MAP2: variants seen among roughly 807,000 people sequenced by gnomAD.
MAP2 encodes the protein microtubule associated protein 2, also known as microtubule-associated protein 2.
In MAP2, 14 loss-of-function variants were observed where a neutral mutation model predicts 137.6. That is an observed-to-expected ratio of 0.10 (90% CI 0.07 to 0.16). MAP2 has a LOEUF of 0.16. MAP2 is among the 10% of genes least tolerant of loss of function. The pLI, the probability that MAP2 is intolerant of heterozygous loss-of-function variation, is 1.00. For missense variants in MAP2, 2,088 were observed against 2,191.5 expected (o/e 0.95, Z 0.94); for synonymous variants, 786 against 782.3 (o/e 1.00, Z -0.08).
intron 1 of MAP2, among the ~76,000 whole-genome samples, chr2:209,429,144 A>G (rs545174508): frequency 3.9e-4 from 59 of 151,736 alleles, no homozygotes; most frequent in Non-Finnish European, 6.0e-4. Flanking sequence ...TAGTAGAGAC[A>G]GGGTTTCACC....
At chr2:209,555,038 G>A (rs1295507608) in intron 2 of MAP2, among the ~76,000 whole-genome samples, 2 of 151,162 alleles carry the variant, frequency 1.3e-5, no homozygotes, top group Non-Finnish European at 2.9e-5. Context: ...CATCGAATGG[G>A]CAAATATAAT....
chr2:209,535,346 G>A (rs1029004038), intron 2 of MAP2, among the ~76,000 whole-genome samples: 4 of 152,028 alleles, frequency 2.6e-5, no homozygotes, highest in East Asian at 1.9e-4. Context: ...CAACTTCACC[G>A]CATAACCATA....
Position 209,693,698 on chromosome 2 carries a change from T to A in MAP2, c.1528T>A (p.Ser510Thr). The part of the protein sequence containing the change: ...PVSLEQAVTD[S>T]AMTSKTLEKA... ...AAGTTTGGAGCAAGCAGTTACAGAT[T>A]CAGCCATGACCTCTAAAACACTGGA... The change falls in exon 8 of 16, where the codon TCA becomes ACA. Residue 510 changes from serine (S) to threonine (T), a missense_variant. This residue lies in a region of MAP2 where 859 missense variants were observed against 794.5 expected (regional missense o/e 1.08). Transcript: ENST00000682079. 1 of 1,613,566 alleles carries A rather than the reference T, an allele frequency of 6.2e-7. No homozygotes were observed. The highest frequency in any genetic ancestry group is 1.7e-4 in the Middle Eastern group (1 of 6,056).
At chr2:209,464,483 T>C (rs1186109551) in intron 1 of MAP2, among the ~76,000 whole-genome samples, 1 of 152,082 alleles carries the variant, frequency 6.6e-6, no homozygotes, top group Non-Finnish European at 1.5e-5. Context: ...TATTAGGCAA[T>C]GTTTGCTGTT....
chr2:209,732,623 G>A lies in MAP2; in HGVS notation c.*2226G>A, dbSNP rs939324798. On this transcript the variant is annotated 3_prime_UTR_variant, in exon 16 of 16. Transcript: ENST00000682079. ...CTTAAATAGTGATTAAATTTCTCTA[G>A]AAAGAAGTTAACAGCTCATTAGAAA... 1 of 152,450 alleles carries A rather than the reference G, an allele frequency of 6.6e-6. No individual in the cohort carries two copies. The highest frequency in any genetic ancestry group is 1.5e-5 in the Non-Finnish European group (1 of 68,010). The allele number at this position is 152,450 out of a possible 1,614,324, so 9.4% of individuals were successfully genotyped here. A position where few individuals can be genotyped will look rare whatever the true frequency, so the allele number is the denominator to read the frequency against.
At position 209,692,898 on chromosome 2, in the gene MAP2, C is replaced by A. The variant is rs756870042; in HGVS notation, c.728C>A (p.Pro243Gln). 1.2e-6 allele frequency: 2 copies of A among 1,613,966 alleles called. No individual in the cohort carries two copies. Among genetic ancestry groups the A allele is most frequent in the East Asian group, 2.2e-5 (1 of 44,880 alleles). The part of the protein sequence containing the change: ...SLEDMKQKTE[P>Q]SLVVPGIDLP... Reference sequence around the variant, plus strand: ...GAAGACATGAAACAGAAGACAGAACCAAGCCTTGTAGTACCTGGCATTGAC... The same window carrying A: ...GAAGACATGAAACAGAAGACAGAACAAAGCCTTGTAGTACCTGGCATTGAC... Residue 243 changes from proline (P) to glutamine (Q), a missense_variant, in exon 8 of 16, where the codon CCA becomes CAA. Coordinates refer to ENST00000682079, the MANE Select transcript of MAP2 (RefSeq NM_001375505.1).
At chr2:209,443,194 T>C (rs1698238935) in intron 1 of MAP2, among the ~76,000 whole-genome samples, 1 of 150,738 alleles carries the variant, frequency 6.6e-6, no homozygotes, top group Non-Finnish European at 1.5e-5. Context: ...ACACATTACT[T>C]GCTCTGTTCT....
At position 209,695,822 on chromosome 2, in the gene MAP2, G is replaced by T. The variant is rs1402385905; in HGVS notation, c.3652G>T (p.Ala1218Ser). 1.2e-6 allele frequency: 2 copies of T among 1,613,980 alleles called. No individual in the cohort carries two copies. Among genetic ancestry groups the T allele is most frequent in the Non-Finnish European group, 1.7e-6 (2 of 1,180,004 alleles). ...TATATCCATCACGCCTTCTGATGTT[G>T]CAGAGCCATTGCATGAAACGATCGT... ...PDISITPSDV[A>S]EPLHETIVSE... The change falls in exon 8 of 16, where the codon GCA becomes TCA. Residue 1218 changes from alanine to serine, a missense_variant. Physicochemically the swap from Ala to Ser is moderately conservative, Grantham distance 99. Transcript: ENST00000682079.
At chr2:209,503,110 C>A (rs904605385) in intron 1 of MAP2, among the ~76,000 whole-genome samples, 3 of 151,460 alleles carry the variant, frequency 2.0e-5, no homozygotes, top group African/African-American at 7.3e-5. Flanking sequence ...ATCAAACCTG[C>A]CACCTCAGCC....
chr2:209,461,459 AT>A (rs1047385585), intron 1 of MAP2, among the ~76,000 whole-genome samples: 115 of 147,506 alleles, frequency 7.8e-4, no homozygotes, highest in East Asian at 2.4e-3. Flanking sequence ...AGTTTAATAG[AT>A]TTTTTTTTTT....
intron 2 of MAP2, among the ~76,000 whole-genome samples, chr2:209,552,954 CTGTT>C (rs917237568): frequency 3.3e-5 from 5 of 151,774 alleles, no homozygotes; most frequent in African/African-American, 1.2e-4. Flanking sequence ...ATAACAAACA[CTGTT>C]TGACAGCACT....
chr2:209,470,696 T>G (rs1309451825), intron 1 of MAP2, among the ~76,000 whole-genome samples: 1 of 152,054 alleles, frequency 6.6e-6, no homozygotes, highest in East Asian at 1.9e-4. Context: ...CACCATGTAC[T>G]TTCAATTCTG....
chr2:209,587,097 T>G (rs1208992971), intron 3 of MAP2, among the ~76,000 whole-genome samples: 1 of 152,126 alleles, frequency 6.6e-6, no homozygotes, highest in African/African-American at 2.4e-5. Flanking sequence ...GGGACGTGGT[T>G]CTATATAACC....
chr2:209,562,240 T>C (rs1035207997), intron 2 of MAP2, among the ~76,000 whole-genome samples: 1 of 152,114 alleles, frequency 6.6e-6, no homozygotes, highest in African/African-American at 2.4e-5. Context: ...ATATTATACT[T>C]TGGGATTTAT....
intron 1 of MAP2, among the ~76,000 whole-genome samples, chr2:209,460,256 G>A (rs1344941188): frequency 6.6e-6 from 1 of 152,198 alleles, no homozygotes; most frequent in African/African-American, 2.4e-5. Flanking sequence ...ATTGGCCATC[G>A]TAATGTATGA....
intron 2 of MAP2, among the ~76,000 whole-genome samples, chr2:209,562,678 C>G (rs1051694435): frequency 6.6e-6 from 1 of 151,674 alleles, no homozygotes; most frequent in African/African-American, 2.4e-5. Flanking sequence ...GCCTGGATGA[C>G]AGGGTGAGAC....
intron 1 of MAP2, among the ~76,000 whole-genome samples, chr2:209,440,650 A>G (rs1320525663): frequency 1.3e-5 from 2 of 151,560 alleles, no homozygotes; most frequent in Non-Finnish European, 3.0e-5. Flanking sequence ...AATGCTGGAC[A>G]GGTAAGTTTT....
intron 13 of MAP2, among the ~76,000 whole-genome samples, chr2:209,715,703 A>T (rs138066164): frequency 1.6e-3 from 246 of 152,320 alleles, no homozygotes; most frequent in Non-Finnish European, 2.7e-3. Context: ...ATAACTAGGT[A>T]ATGAGCCTTT....
Position 209,653,129 on chromosome 2 carries a change from T to C in MAP2, c.-29-13T>C. On this transcript the variant is annotated splice_polypyrimidine_tract_variant and intron_variant, in intron 4 of 15. Coordinates refer to ENST00000682079, the MANE Select transcript of MAP2 (RefSeq NM_001375505.1). ...TTTCCCCAAAGTAATAGCTACTATT[T>C]TTTCTCTTTCAGTTGCAGGAGAAAT... is the stretch of plus-strand genomic sequence containing the variant. 6.5e-7 allele frequency: 1 copy of C among 1,534,890 alleles called. No individual in the cohort carries two copies. The highest frequency in any genetic ancestry group is 8.8e-7 in the Non-Finnish European group (1 of 1,142,670).
Sources: allele counts gnomAD v4.1 joint callset (sites outside exome capture counted in the v4.1 genomes callset), GRCh38; gene constraint gnomAD v4.1.1; regional missense constraint gnomAD v4.1.1; transcripts MANE v1.5; gene names NCBI Gene and HGNC (gene_info 2026-07-23, HGNC 2026-07-21).